PITPNM2: variants seen among roughly 807,000 people sequenced by gnomAD.
PITPNM2 encodes the protein membrane-associated phosphatidylinositol transfer protein 2.
Under a neutral mutation model 132.2 loss-of-function variants are expected in PITPNM2, and 35 were observed. That is an observed-to-expected ratio of 0.26 (90% confidence interval 0.20 to 0.35). PITPNM2 has a LOEUF of 0.35. PITPNM2 is among the 10% of genes least tolerant of loss of function. PITPNM2 has a pLI of 1.00. For missense variants in PITPNM2, 1,332 were observed against 1,912.0 expected (o/e 0.70, Z 5.66); for synonymous variants, 738 against 799.2 (o/e 0.92, Z 1.29).
chr12:123,072,823 A>G (rs1391279850), intron 2 of PITPNM2, among the ~76,000 whole-genome samples: 1 of 152,276 alleles, frequency 6.6e-6, no homozygotes, highest in Non-Finnish European at 1.5e-5. Flanking sequence ...TCAGGAAACC[A>G]TCATAAGATA....
rs777939302 is a variant in PITPNM2 at position 123,004,403 on chromosome 12, C to T, written c.1039G>A (p.Asp347Asn). 1.9e-6 allele frequency: 3 copies of T among 1,613,898 alleles called. No individual in the cohort carries two copies. The highest frequency in any genetic ancestry group is 1.7e-5 in the Admixed American group (1 of 60,022). Residue 347 changes from aspartate to asparagine, a missense_variant, in exon 8 of 26, where the codon GAT becomes AAT. Physicochemically the swap from Asp to Asn is conservative, Grantham distance 23. Transcript: ENST00000320201. This position sits in a 1 kb window ranked among gnomAD's most constrained non-coding sequence, Gnocchi z 4.9. ...SDESSDDEFF[D>N]AHEDLSDTEE... ...AGCGCTGCCTGCCTACCGTGCGCAT[C>T]GAAGAACTCATCATCTGAGCTCTCA... is the stretch of plus-strand genomic sequence containing the variant.
rs775044465 is a variant in PITPNM2, at chr12:123,041,303, C to T, written c.-95-6618G>A. 3.3e-5 allele frequency among the ~76,000 whole-genome samples: 5 copies of T among 152,250 alleles called. 1 individual carries two copies. In the East Asian group the frequency reaches 7.7e-4, roughly 24 times the overall value. On this transcript the variant is annotated intron_variant, in intron 2 of 25. Coordinates refer to ENST00000320201, the MANE Select transcript of PITPNM2 (RefSeq NM_020845.3). ...GCTGTCCCTAGCAGGGTCTGGAAGG[C>T]GGGTCCCTGAGATATAGGGCCTGTG... is the stretch of plus-strand genomic sequence containing the variant.
At chr12:122,990,029 T>G (rs1310925274) in intron 17 of PITPNM2, 81 bp from the exon 18 acceptor site, 1 of 1,145,514 alleles carries the variant, frequency 8.7e-7, no homozygotes, top group Non-Finnish European at 1.1e-6. Flanking sequence ...GGCAGGACAC[T>G]GGGACAGTGC....
In PITPNM2 at chr12:123,004,854, T is replaced by A. The variant is rs1313045473; in HGVS notation, c.953-365A>T. ...GCCACAGCAGGGCCCAGGCGGGAGA[T>A]GAGTGAGCCAGGCCTGCCTGCTGGA... On this transcript the variant is annotated intron_variant, in intron 7 of 25. Transcript: ENST00000320201. The surrounding 1 kb of genome is among the most constrained non-coding windows in gnomAD (Gnocchi z 4.9). Among the ~76,000 whole-genome samples, 1 of 151,708 alleles carries A rather than the reference T, an allele frequency of 6.6e-6. No individual in the cohort carries two copies. The highest frequency in any genetic ancestry group is 6.5e-5 in the Admixed American group (1 of 15,272).
intron 2 of PITPNM2, among the ~76,000 whole-genome samples, chr12:123,100,645 T>G (rs1593014793): frequency 6.6e-6 from 1 of 150,392 alleles, no homozygotes; most frequent in Admixed American, 6.6e-5. Context: ...AAAAAAATCA[T>G]GCAGCACTGA....
intron 2 of PITPNM2, among the ~76,000 whole-genome samples, chr12:123,103,892 G>A (rs2042626367): frequency 1.4e-5 from 2 of 142,500 alleles, no homozygotes; most frequent in African/African-American, 6.2e-5. Context: ...TATTTATTTT[G>A]TTATTTTATT....
chr12:123,073,642 C>T (rs2041684522), intron 2 of PITPNM2, among the ~76,000 whole-genome samples: 1 of 152,202 alleles, frequency 6.6e-6, no homozygotes, highest in African/African-American at 2.4e-5. Flanking sequence ...TGCAGACTGT[C>T]TTTCTGATGA....
chr12:123,117,793 T>A lies in PITPNM2; in HGVS notation c.-199-7305A>T, dbSNP rs2042959354. Among the ~76,000 whole-genome samples the A allele has an allele frequency of 6.6e-6, 1 of 152,212 alleles. No homozygotes were observed. The highest frequency in any genetic ancestry group is 1.5e-5 in the Non-Finnish European group (1 of 68,032). ...ATGACAGACTCTGGCATGGTCCAAT[T>A]TCCTCTCCCTAAATCATATGTTTAG... On this transcript the variant is annotated intron_variant, in intron 1 of 25. Coordinates refer to ENST00000320201, the MANE Select transcript of PITPNM2 (RefSeq NM_020845.3). The surrounding 1 kb of genome is among the most constrained non-coding windows in gnomAD (Gnocchi z 4.7).
chr12:123,032,602 C>T (rs189200656), intron 3 of PITPNM2, among the ~76,000 whole-genome samples: 45 of 152,272 alleles, frequency 3.0e-4, no homozygotes, highest in East Asian at 7.7e-4. Context: ...TCAGTCCTCC[C>T]GATCTTGACA....
chr12:123,021,369 T>C (rs576326772), intron 3 of PITPNM2, among the ~76,000 whole-genome samples: 1 of 152,208 alleles, frequency 6.6e-6, no homozygotes, highest in East Asian at 1.9e-4. Flanking sequence ...TCTCAATCTG[T>C]CCCCCAGGCT....
At chr12:123,026,584 G>C (rs1329675135) in intron 3 of PITPNM2, among the ~76,000 whole-genome samples, 1 of 152,230 alleles carries the variant, frequency 6.6e-6, no homozygotes, top group Non-Finnish European at 1.5e-5. Context: ...AGTTTCTTTG[G>C]GCAGAGGCCT....
chr12:123,007,657 G>A (rs2038998648), intron 6 of PITPNM2, among the ~76,000 whole-genome samples: 1 of 152,160 alleles, frequency 6.6e-6, no homozygotes, highest in South Asian at 2.1e-4. Flanking sequence ...CCAAGCCCCA[G>A]GGGTGGCCTC....
At chr12:123,098,550 A>C (rs2042469589) in intron 2 of PITPNM2, among the ~76,000 whole-genome samples, 1 of 152,120 alleles carries the variant, frequency 6.6e-6, no homozygotes. Context: ...AAAAGAGAAC[A>C]ATTTTTTTTA....
intron 2 of PITPNM2, among the ~76,000 whole-genome samples, chr12:123,105,068 TTCC>T (rs2042672816): frequency 6.6e-6 from 1 of 151,992 alleles, no homozygotes; most frequent in Non-Finnish European, 1.5e-5. Context: ...TCACTCCAGT[TTCC>T]TGAACATCCT....
At chr12:123,038,602 G>A (rs2040357726) in intron 2 of PITPNM2, among the ~76,000 whole-genome samples, 2 of 152,250 alleles carry the variant, frequency 1.3e-5, no homozygotes, top group South Asian at 4.1e-4. Flanking sequence ...ATTCTGCTCG[G>A]CAGAGCTGAG....
At position 123,004,637 on chromosome 12, in the gene PITPNM2, T is replaced by C; in HGVS notation, c.953-148A>G. The C allele has an allele frequency of 1.4e-6, 1 of 722,218 alleles. No homozygotes were observed. Among genetic ancestry groups the C allele is most frequent in the South Asian group, 1.6e-5 (1 of 62,904 alleles). The allele number at this position is 722,218 out of a possible 1,614,324, so 44.7% of individuals were successfully genotyped here. On this transcript the variant is annotated intron_variant, in intron 7 of 25. Coordinates refer to ENST00000320201, the MANE Select transcript of PITPNM2 (RefSeq NM_020845.3). This position sits in a 1 kb window ranked among gnomAD's most constrained non-coding sequence, Gnocchi z 4.9. ...GGAGCCAGGAAGGTTCCGAAGAGAATGAAGTGTGTAAATGAGTGGGGAGCG... is the reference window on the plus strand; with the variant it reads ...GGAGCCAGGAAGGTTCCGAAGAGAACGAAGTGTGTAAATGAGTGGGGAGCG...
In PITPNM2 at chr12:123,095,155, T is replaced by A. The variant is rs530755472; in HGVS notation, c.-96+15230A>T. Among the ~76,000 whole-genome samples, 2 of 152,148 alleles carry A rather than the reference T, an allele frequency of 1.3e-5. No individual in the cohort carries two copies. Among genetic ancestry groups the A allele is most frequent in the African/African-American group, 2.4e-5 (1 of 41,420 alleles). On this transcript the variant is annotated intron_variant, in intron 2 of 25. Coordinates refer to ENST00000320201, the MANE Select transcript of PITPNM2 (RefSeq NM_020845.3). The surrounding 1 kb of genome is among the most constrained non-coding windows in gnomAD (Gnocchi z 5.0). Reference sequence around the variant, plus strand: ...CCACCATCCTTGCACAGCAGGCTGATTCAGGGCTTGGAACGTGGTGAGGGG... The same window carrying A: ...CCACCATCCTTGCACAGCAGGCTGAATCAGGGCTTGGAACGTGGTGAGGGG...
chr12:123,133,889 C>T (rs561346974), intron 1 of PITPNM2, among the ~76,000 whole-genome samples: 14 of 152,172 alleles, frequency 9.2e-5, no homozygotes, highest in African/African-American at 3.4e-4. Context: ...TCCATGTTGG[C>T]CAGACTAATC....
intron 2 of PITPNM2, among the ~76,000 whole-genome samples, chr12:123,085,430 G>A (rs2042084760): frequency 1.3e-5 from 2 of 152,150 alleles, no homozygotes; most frequent in African/African-American, 4.8e-5. Context: ...GCCACATATT[G>A]CAAGACTCTG....
Sources: allele counts gnomAD v4.1 joint callset (sites outside exome capture counted in the v4.1 genomes callset), GRCh38; gene constraint gnomAD v4.1.1; non-coding constraint Gnocchi (gnomAD v3.1); transcripts MANE v1.5; gene names NCBI Gene and HGNC (gene_info 2026-07-23, HGNC 2026-07-21).